The following JAKMIP3 variants were observed in gnomAD, a reference collection of about 807,000 sequenced individuals.
JAKMIP3 encodes the protein janus kinase and microtubule-interacting protein 3.
A neutral mutation model predicts 118.5 loss-of-function variants in JAKMIP3; 58 were observed. The ratio of observed to expected loss-of-function variants is 0.49; its 90% CI spans 0.40 to 0.61. JAKMIP3 has a LOEUF of 0.61. Among genes scored for constraint, JAKMIP3 ranks in the 20% least tolerant of loss-of-function variants. JAKMIP3 has a pLI of 0.00. For synonymous variants in JAKMIP3, 486 were observed against 451.2 expected, an observed-to-expected ratio of 1.08 and a Z score of -0.98; for missense variants, 950 against 1,109.0, an observed-to-expected ratio of 0.86 and a Z score of 2.04.
At chr10:132,176,216 C>T (rs559905322) in intron 23 of JAKMIP3, among the ~76,000 whole-genome samples, 1 of 152,228 alleles carries the variant, frequency 6.6e-6, no homozygotes, top group African/African-American at 2.4e-5. Flanking sequence ...TGGGCTCAGC[C>T]GTGTGTTTGT....
At chr10:132,115,046 C>T (rs1467505747) in intron 2 of JAKMIP3, among the ~76,000 whole-genome samples, 1 of 152,136 alleles carries the variant, frequency 6.6e-6, no homozygotes, top group Admixed American at 6.5e-5. Flanking sequence ...TGTGATCGGG[C>T]GAGGGTGAAT....
chr10:132,146,286 C>T (rs893229423), intron 13 of JAKMIP3, among the ~76,000 whole-genome samples: 5 of 152,060 alleles, frequency 3.3e-5, no homozygotes, highest in Admixed American at 6.5e-5. Context: ...AGGTTTCTCT[C>T]GGCACCTCCC....
chr10:132,101,685 C>G (rs1443498855), intron 1 of JAKMIP3, among the ~76,000 whole-genome samples: 1 of 151,828 alleles, frequency 6.6e-6, no homozygotes, highest in East Asian at 1.9e-4. Flanking sequence ...CAGTGGTGGC[C>G]CGGGGCTCGG....
chr10:132,091,640 C>T (rs2043103406), intron 1 of JAKMIP3, among the ~76,000 whole-genome samples: 3 of 151,642 alleles, frequency 2.0e-5, no homozygotes, highest in East Asian at 1.9e-4. Flanking sequence ...CTTCCTCCAT[C>T]CCTTTATTTT....
chr10:132,166,054 T>C lies in JAKMIP3; in HGVS notation c.2491-929T>C, dbSNP rs113457467. Among the ~76,000 whole-genome samples the C allele has an allele frequency of 5.7e-3, 875 of 152,348 alleles. 15 individuals are homozygous for C. Among genetic ancestry groups the C allele is most frequent in the African/African-American group, 0.019 (809 of 41,574 alleles). On this transcript the variant is annotated intron_variant, in intron 21 of 23. Coordinates refer to ENST00000684848, the MANE Select transcript of JAKMIP3 (RefSeq NM_001323087.2). ...AGAAAAATGTGAGGGCTAGGCGTGG[T>C]GGCTCATGCCTGTAATTCCAGTACT...
chr10:132,163,758 T>C (rs1267301327), intron 20 of JAKMIP3, among the ~76,000 whole-genome samples: 1 of 152,264 alleles, frequency 6.6e-6, no homozygotes, highest in Non-Finnish European at 1.5e-5. Context: ...ACCAGCCTAG[T>C]GTCCTGGGCG....
chr10:132,167,808 C>T (rs1260925531), intron 22 of JAKMIP3, 145 bp from the exon 23 acceptor site: 1 of 432,262 alleles, frequency 2.3e-6, no homozygotes, highest in Admixed American at 3.1e-5. Context: ...TCGGTCCTCA[C>T]CCCTCACCCC....
intron 1 of JAKMIP3, among the ~76,000 whole-genome samples, chr10:132,040,017 C>A (rs114322380): frequency 1.8e-4 from 27 of 152,350 alleles, no homozygotes; most frequent in African/African-American, 6.5e-4. Flanking sequence ...ATAACTAACA[C>A]GTGCCCAGGT....
intron 19 of JAKMIP3, among the ~76,000 whole-genome samples, chr10:132,161,993 T>A (rs1173725082): frequency 3.4e-5 from 5 of 147,498 alleles, no homozygotes; most frequent in African/African-American, 1.2e-4. Context: ...CACTGTTGAT[T>A]TCCTTCCCTT....
chr10:132,097,914 C>CT lies in JAKMIP3; in HGVS notation c.-137-6756dup, dbSNP rs1564892679. 9.4e-3 allele frequency among the ~76,000 whole-genome samples: 251 copies of CT among 26,808 alleles called. 11 individuals are homozygous for CT. Among genetic ancestry groups the CT allele is most frequent in the African/African-American group, 0.02 (238 of 11,774 alleles). The allele number at this position is 26,808 out of a possible 152,430, so 17.6% of individuals were successfully genotyped here. A position where few individuals can be genotyped will look rare whatever the true frequency, so the allele number is the denominator to read the frequency against. Reference sequence around the variant, plus strand: ...CCTTCCCCTTCCCCTTCCCCTTCCCCTTCCCCTTTCCTTCCCCTTCCCCTT... The same window carrying CT: ...CCTTCCCCTTCCCCTTCCCCTTCCCCTTTCCCCTTTCCTTCCCCTTCCCCTT... On this transcript the variant is annotated intron_variant, in intron 1 of 23. Transcript: ENST00000684848.
intron 2 of JAKMIP3, among the ~76,000 whole-genome samples, chr10:132,106,996 ACCT>A (rs532722144): frequency 9.9e-4 from 150 of 151,198 alleles, no homozygotes; most frequent in Admixed American, 2.8e-3. Context: ...CAATCCTCTC[ACCT>A]CAGCCCCTCA....
intron 3 of JAKMIP3, among the ~76,000 whole-genome samples, chr10:132,121,161 C>T (rs761734826): frequency 1.6e-4 from 25 of 152,106 alleles, no homozygotes; most frequent in Non-Finnish European, 1.6e-4. Context: ...CCCCAAGTGT[C>T]AGCAGAGTCA....
intron 10 of JAKMIP3, 138 bp downstream of exon 10, chr10:132,140,717 C>G (rs866412124): frequency 7.1e-7 from 1 of 1,413,906 alleles, no homozygotes; most frequent in Non-Finnish European, 9.4e-7. Flanking sequence ...CGGCTTTTCA[C>G]GGGGAAGCCC....
At chr10:132,124,447 C>A (rs4880337) in intron 3 of JAKMIP3, among the ~76,000 whole-genome samples, 24,086 of 147,492 alleles carry the variant, frequency 0.16, 2,662 homozygotes, top group Admixed American at 0.24. Context: ...GGCACATCAC[C>A]GCCGAGCCGG....
In JAKMIP3 at chr10:132,168,161, G is replaced by C. The variant is rs568306407; in HGVS notation, c.*231G>C. 7.9e-5 allele frequency: 102 copies of C among 1,285,906 alleles called. No individual in the cohort carries two copies. Among genetic ancestry groups the C allele is most frequent in the Non-Finnish European group, 1.2e-5 (12 of 986,670 alleles). The allele number at this position is 1,285,906 out of a possible 1,614,324, so 79.7% of individuals were successfully genotyped here. ...CTAGAACTGGCTCTGCCGACTTCTC[G>C]GGGGCTTCTCCGGGACGGGCCTGGC... On this transcript the variant is annotated 3_prime_UTR_variant, in exon 23 of 24. Coordinates refer to ENST00000684848, the MANE Select transcript of JAKMIP3 (RefSeq NM_001323087.2).
intron 19 of JAKMIP3, among the ~76,000 whole-genome samples, chr10:132,161,031 C>CTCTTCCTGTGTGATGCTGGGGGCGTG (rs1564985274): frequency 6.3e-4 from 9 of 14,178 alleles, no homozygotes; most frequent in African/African-American, 1.5e-3. Context: ...CTGGGGGGGC[C>CTCTTCCTGTGTGATGCTGGGGGCGTG]TCTTCCTGTG....
chr10:132,083,571 T>C (rs144341692), intron 1 of JAKMIP3, among the ~76,000 whole-genome samples: 1,902 of 152,318 alleles, frequency 0.012, 35 homozygotes, highest in African/African-American at 0.044. Context: ...TTTCATTGCA[T>C]TTGCTTTTGG....
Position 132,055,473 on chromosome 10 carries a change from A to G in JAKMIP3, c.-138+18735A>G, listed in dbSNP as rs551979978. 7.9e-5 allele frequency among the ~76,000 whole-genome samples: 12 copies of G among 152,272 alleles called. No homozygotes were observed. In the South Asian group the frequency reaches 1.7e-3, roughly 21 times the overall value. On this transcript the variant is annotated intron_variant, in intron 1 of 23. Coordinates refer to the JAKMIP3 transcript ENST00000657785. Reference sequence around the variant, plus strand: ...AAAATGCAACATCTTTTTTTCTTCAATGTTTGGAAAGAAATTAAAACTGAG... The same window carrying G: ...AAAATGCAACATCTTTTTTTCTTCAGTGTTTGGAAAGAAATTAAAACTGAG...
chr10:132,115,942 G>A (rs1356577951), intron 2 of JAKMIP3, among the ~76,000 whole-genome samples: 1 of 152,234 alleles, frequency 6.6e-6, no homozygotes, highest in Non-Finnish European at 1.5e-5. Flanking sequence ...TGGGCCGGAT[G>A]TGCTGGAAAC....
Sources: gnomAD v4.1 joint callset for allele counts (sites outside exome capture counted in the v4.1 genomes callset) on GRCh38, gnomAD v4.1.1 for gene constraint, MANE v1.5 for transcripts, NCBI Gene and HGNC (gene_info 2026-07-23, HGNC 2026-07-21) for gene names.